Variants in PCDHA6 observed in about 807,000 individuals in gnomAD.
The protein encoded by PCDHA6 is protocadherin alpha 6, also known as protocadherin alpha-6.
A neutral mutation model predicts 60.3 loss-of-function variants in PCDHA6; 55 were observed. That is an observed-to-expected ratio of 0.91 (90% CI 0.73 to 1.14). The LOEUF (loss-of-function observed/expected upper bound fraction) is 1.14, where lower values mean the gene tolerates loss of function less well. Ranked by LOEUF, PCDHA6 falls within the 50% of genes most tolerant of loss-of-function variation. The probability of loss-of-function intolerance (pLI) is 0.00; values close to 1 mark genes in which losing one functional copy is unlikely to be tolerated. For synonymous variants in PCDHA6, 652 were observed against 557.9 expected (o/e 1.17, Z -2.38); for missense variants, 1,327 against 1,256.5 (o/e 1.06, Z -0.85).
chr5:140,979,157 A>G (rs2096837413), intron 2 of PCDHA6, 150 bp downstream of exon 2: 9 of 1,429,186 alleles, frequency 6.3e-6, no homozygotes, highest in Non-Finnish European at 8.3e-6. Context: ...CCCCATGTTT[A>G]TTCCTTGAAA....
At chr5:140,849,937 A>T (rs1554143515) in intron 1 of PCDHA6, 3 of 1,598,056 alleles carry the variant, frequency 1.9e-6, no homozygotes, top group Non-Finnish European at 2.6e-6. Flanking sequence ...TCTGCGCGGG[A>T]CGCTGACGCG....
chr5:140,849,581 C>T lies in PCDHA6; in HGVS notation c.2394+19096C>T. The T allele has an allele frequency of 3.1e-6, 5 of 1,598,698 alleles. 1 individual carries two copies. Among genetic ancestry groups the T allele is most frequent in the Non-Finnish European group, 4.3e-6 (5 of 1,167,986 alleles). On this transcript the variant is annotated intron_variant, in intron 1 of 3. Transcript: ENST00000529310. ...CGCTCTCGGTTCCTGTAAAAGAGGA[C>T]GCACAACTGGGGACAGTTATTGCCC...
rs782361791 is a variant in PCDHA6, at chr5:140,830,020, G to A, written c.1929G>A (p.Pro643=). ...TTRVLDEADS[P]RHRLLVLVKD... ...GTGTCCTGGACGAAGCGGACTCTCC[G>A]CGCCACCGGCTGCTGGTGCTGGTGA... Residue 643 remains proline, a synonymous_variant, in exon 1 of 4, where the codon CCG becomes CCA. Transcript: ENST00000529310. The A allele has an allele frequency of 1.9e-6, 3 of 1,613,754 alleles. No individual in the cohort carries two copies. The highest frequency in any genetic ancestry group is 1.7e-5 in the Admixed American group (1 of 60,004).
chr5:140,864,161 T>A (rs1267371347), intron 1 of PCDHA6: 3 of 152,188 alleles, frequency 2.0e-5, no homozygotes, highest in African/African-American at 7.2e-5. Context: ...AGTTAAATCT[T>A]ACCGGAAGGA....
intron 1 of PCDHA6, among the ~76,000 whole-genome samples, chr5:140,895,297 T>TC (rs1269688627): frequency 1.3e-5 from 2 of 152,118 alleles, no homozygotes; most frequent in African/African-American, 2.4e-5. Context: ...ACCTTCGATT[T>TC]CCCCCCTTCC....
rs140234108 is a variant in PCDHA6, at chr5:140,845,054, G to A, written c.2394+14569G>A. 4.2e-4 allele frequency among the ~76,000 whole-genome samples: 62 copies of A among 149,352 alleles called. 3 individuals are homozygous for A. The highest frequency in any genetic ancestry group is 7.5e-4 in the Non-Finnish European group (50 of 66,646). ...ATTTTAGCCCCCTTGTCCAACTGAA[G>A]GTAACCTCAAAGCAGCATTGTTTTG... On this transcript the variant is annotated intron_variant, in intron 1 of 3. Transcript: ENST00000529310.
intron 2 of PCDHA6, 171 bp downstream of exon 2, chr5:140,979,178 G>T: frequency 1.1e-6 from 1 of 944,140 alleles, no homozygotes; most frequent in Non-Finnish European, 1.3e-6. Flanking sequence ...GATCGCAAAT[G>T]GTCAGTGCCA....
At chr5:140,941,202 C>CCTTCCTTTCTTT (rs1554213920) in intron 1 of PCDHA6, among the ~76,000 whole-genome samples, 197 of 122,808 alleles carry the variant, frequency 1.6e-3, no homozygotes, top group Admixed American at 2.9e-3. Flanking sequence ...TTTCTTTCTT[C>CCTTCCTTTCTTT]CTTTCTTTCT....
chr5:140,964,139 A>G (rs1396740282), intron 1 of PCDHA6, among the ~76,000 whole-genome samples: 1 of 152,242 alleles, frequency 6.6e-6, no homozygotes, highest in Non-Finnish European at 1.5e-5. Flanking sequence ...TAAGGTTGGC[A>G]GGAGCCTCAG....
chr5:140,946,574 G>A (rs246054), intron 1 of PCDHA6, among the ~76,000 whole-genome samples: 79,382 of 143,554 alleles, frequency 0.55, 22,609 homozygotes, highest in African/African-American at 0.68. Context: ...AATCAACTTA[G>A]GTGTTCATAG....
rs377044316 is a variant in PCDHA6 at position 140,883,116 on chromosome 5, G to A, written c.2394+52631G>A. 14 of 1,613,818 alleles carry A rather than the reference G, an allele frequency of 8.7e-6. No homozygotes were observed. The African/African-American group carries it at 1.9e-4, about 22-fold the overall frequency. On this transcript the variant is annotated intron_variant, in intron 1 of 3. Coordinates refer to ENST00000529310, the MANE Select transcript of PCDHA6 (RefSeq NM_018909.4). ...GGAGATATAGTTTACTCATTTAGAAGGCCTGTATGGCCTGCAGTGGTATAT... is the reference window on the plus strand; with the variant it reads ...GGAGATATAGTTTACTCATTTAGAAAGCCTGTATGGCCTGCAGTGGTATAT...
At chr5:140,836,901 A>G (rs1554136348) in intron 1 of PCDHA6, 1 of 593,604 alleles carries the variant, frequency 1.7e-6, no homozygotes, top group Non-Finnish European at 2.8e-6. Flanking sequence ...AAGTACGTTT[A>G]ATATACACTT....
At chr5:140,835,547 C>G (rs2150237870) in intron 1 of PCDHA6, 13 of 1,613,960 alleles carry the variant, frequency 8.1e-6, no homozygotes, top group South Asian at 2.2e-5. Context: ...TTACCTGCTC[C>G]CTGACGCCCC....
chr5:140,868,994 A>C, intron 1 of PCDHA6: 1 of 1,510,848 alleles, frequency 6.6e-7, no homozygotes, highest in Non-Finnish European at 8.8e-7. Context: ...GCCACCGTTT[A>C]AGGATCCTTT....
chr5:140,883,676 C>T lies in PCDHA6; in HGVS notation c.2394+53191C>T, dbSNP rs986680593. 6.2e-6 allele frequency: 10 copies of T among 1,613,792 alleles called. No homozygotes were observed. In the Admixed American group the frequency reaches 1.0e-4, roughly 16 times the overall value. On this transcript the variant is annotated intron_variant, in intron 1 of 3. Transcript: ENST00000529310. Reference sequence around the variant, plus strand: ...GGTGTTCGTGAAGGAAAACAATCCGCCGGGCTGCCACATCTTCACGGTGTC... The same window carrying T: ...GGTGTTCGTGAAGGAAAACAATCCGTCGGGCTGCCACATCTTCACGGTGTC...
At chr5:140,864,608 T>C (rs1180007033) in intron 1 of PCDHA6, 3 of 152,188 alleles carry the variant, frequency 2.0e-5, no homozygotes, top group Non-Finnish European at 4.4e-5. Context: ...GCCAACAACT[T>C]TGTTCTTTTT....
intron 3 of PCDHA6, among the ~76,000 whole-genome samples, chr5:140,984,059 C>A (rs1269975627): frequency 6.6e-6 from 1 of 152,108 alleles, no homozygotes; most frequent in East Asian, 1.9e-4. Flanking sequence ...CAAATCTGTA[C>A]CCTCAGTGCC....
intron 1 of PCDHA6, among the ~76,000 whole-genome samples, chr5:140,846,515 C>T (rs2150391789): frequency 6.8e-6 from 1 of 147,842 alleles, no homozygotes; most frequent in Non-Finnish European, 1.5e-5. Flanking sequence ...GCTGGGATTA[C>T]AGGTGCATGC....
intron 1 of PCDHA6, among the ~76,000 whole-genome samples, chr5:140,917,501 A>G (rs557906425): frequency 6.6e-6 from 1 of 152,020 alleles, no homozygotes; most frequent in East Asian, 1.9e-4. Context: ...CCAGAATGAT[A>G]TTTTCTAGGT....
Sources: allele counts gnomAD v4.1 joint callset (sites outside exome capture counted in the v4.1 genomes callset), GRCh38; gene constraint gnomAD v4.1.1; transcripts MANE v1.5; gene names NCBI Gene and HGNC (gene_info 2026-07-23, HGNC 2026-07-21).